The following RCOR1 variants were observed in gnomAD, a reference collection of about 807,000 sequenced individuals.
RCOR1 encodes the protein REST corepressor 1, also known as REST corepressor.
RCOR1 carries 12 observed loss-of-function variants against 64.0 expected under a neutral mutation model. That is an observed-to-expected ratio of 0.19 (90% CI 0.12 to 0.30). The LOEUF (loss-of-function observed/expected upper bound fraction) is 0.30, where lower values mean the gene tolerates loss of function less well. Ranked by LOEUF, RCOR1 falls within the 10% of genes least tolerant of loss-of-function variation. RCOR1 has a pLI of 1.00. For missense variants in RCOR1, 502 were observed against 621.2 expected (o/e 0.81, Z 2.04); for synonymous variants, 279 against 227.2 (o/e 1.23, Z -2.05).
At chr14:102,713,249 T>C (rs1895998174) in intron 7 of RCOR1, among the ~76,000 whole-genome samples, 2 of 149,920 alleles carry the variant, frequency 1.3e-5, no homozygotes, top group African/African-American at 4.9e-5. Context: ...CCACCACACC[T>C]GGCCCGTAGT....
At chr14:102,630,475 T>C (rs868561954) in intron 2 of RCOR1, among the ~76,000 whole-genome samples, 8 of 152,340 alleles carry the variant, frequency 5.3e-5, no homozygotes, top group South Asian at 4.1e-4. Flanking sequence ...TACATACTTA[T>C]AGATTCAAAG....
At chr14:102,705,076 A>G (rs1895823349) in intron 4 of RCOR1, among the ~76,000 whole-genome samples, 2 of 152,116 alleles carry the variant, frequency 1.3e-5, no homozygotes, top group Non-Finnish European at 2.9e-5. Flanking sequence ...CAGTGAGCCA[A>G]GATCATGTCA....
intron 5 of RCOR1, among the ~76,000 whole-genome samples, chr14:102,707,849 C>T (rs1432881030): frequency 6.6e-6 from 1 of 150,524 alleles, no homozygotes; most frequent in Non-Finnish European, 1.5e-5. Context: ...AGTGCAGTGG[C>T]ATGATCTTGG....
chr14:102,698,743 C>T (rs964305939), intron 3 of RCOR1, among the ~76,000 whole-genome samples: 4 of 152,180 alleles, frequency 2.6e-5, no homozygotes, highest in Non-Finnish European at 4.4e-5. Context: ...TCATCTCCTC[C>T]AGTATGAACC....
At chr14:102,680,518 T>G (rs1895281851) in intron 2 of RCOR1, among the ~76,000 whole-genome samples, 1 of 152,088 alleles carries the variant, frequency 6.6e-6, no homozygotes, top group Non-Finnish European at 1.5e-5. Context: ...ATAAAAAAGG[T>G]ATACTTGGGC....
chr14:102,686,053 T>TA (rs1405806503), intron 3 of RCOR1, among the ~76,000 whole-genome samples: 1 of 152,198 alleles, frequency 6.6e-6, no homozygotes, highest in East Asian at 1.9e-4. Flanking sequence ...TGTATCAAAT[T>TA]ATCACATGTA....
intron 7 of RCOR1, among the ~76,000 whole-genome samples, chr14:102,711,311 G>A (rs534138771): frequency 2.6e-5 from 4 of 152,346 alleles, no homozygotes; most frequent in Non-Finnish European, 1.5e-5. Flanking sequence ...AGGTTAACAA[G>A]TGGTCTAGTG....
At chr14:102,617,765 T>C (rs990130478) in intron 2 of RCOR1, among the ~76,000 whole-genome samples, 1 of 151,722 alleles carries the variant, frequency 6.6e-6, no homozygotes, top group African/African-American at 2.4e-5. Flanking sequence ...AATTTTTGTA[T>C]TTTTAGTAGA....
At chr14:102,678,036 CAA>C (rs373327959) in intron 2 of RCOR1, among the ~76,000 whole-genome samples, 2 of 143,226 alleles carry the variant, frequency 1.4e-5, no homozygotes, top group Admixed American at 1.4e-4. Context: ...CCGTCTCCAC[CAA>C]AAAAAAAAAC....
At chr14:102,715,854 G>A (rs891946917) in intron 8 of RCOR1, among the ~76,000 whole-genome samples, 1 of 152,156 alleles carries the variant, frequency 6.6e-6, no homozygotes, top group Non-Finnish European at 1.5e-5. Flanking sequence ...GCACATCAGC[G>A]TTTCCCAGCT....
intron 2 of RCOR1, among the ~76,000 whole-genome samples, chr14:102,615,983 C>T (rs1358329729): frequency 6.6e-6 from 1 of 152,136 alleles, no homozygotes; most frequent in Non-Finnish European, 1.5e-5. Context: ...TCTACACTAC[C>T]CGCTTAGAGA....
intron 2 of RCOR1, among the ~76,000 whole-genome samples, chr14:102,634,630 A>ATG (rs761571102): frequency 1.5e-4 from 23 of 149,362 alleles, no homozygotes; most frequent in African/African-American, 2.7e-4. Context: ...GTGTGTGTGT[A>ATG]TGTGTGTATA....
chr14:102,605,108 A>C (rs533938175), intron 2 of RCOR1, among the ~76,000 whole-genome samples: 30 of 149,394 alleles, frequency 2.0e-4, no homozygotes, highest in Non-Finnish European at 3.9e-4. Context: ...AAAAACACTT[A>C]GGAGCAAGAC....
chr14:102,725,324 G>A (rs1896237856), intron 11 of RCOR1, among the ~76,000 whole-genome samples: 1 of 152,246 alleles, frequency 6.6e-6, no homozygotes, highest in Non-Finnish European at 1.5e-5. Context: ...GATGCCATGA[G>A]CATGGCAGAG....
chr14:102,688,413 C>T (rs775661222), intron 3 of RCOR1, among the ~76,000 whole-genome samples: 1 of 152,152 alleles, frequency 6.6e-6, no homozygotes, highest in African/African-American at 2.4e-5. Flanking sequence ...TTTGGAGGAT[C>T]TCTTGACGGA....
At chr14:102,689,642 TTTTTA>T (rs1050601968) in intron 3 of RCOR1, among the ~76,000 whole-genome samples, 19 of 152,346 alleles carry the variant, frequency 1.2e-4, no homozygotes, top group Admixed American at 7.8e-4. Flanking sequence ...CATTTTGGGT[TTTTTA>T]TTTTATAAAA....
At chr14:102,594,498 T>C (rs1049486225) in intron 2 of RCOR1, among the ~76,000 whole-genome samples, 1 of 152,246 alleles carries the variant, frequency 6.6e-6, no homozygotes, top group African/African-American at 2.4e-5. Flanking sequence ...ATAGAGGTCC[T>C]AGGTGAGCTC....
intron 2 of RCOR1, chr14:102,658,774 G>A: frequency 2.8e-6 from 1 of 361,648 alleles, no homozygotes; most frequent in Non-Finnish European, 3.8e-6. Flanking sequence ...CCAGGTTACT[G>A]TATGCATTGC....
intron 2 of RCOR1, among the ~76,000 whole-genome samples, chr14:102,618,957 G>C (rs1448276896): frequency 1.3e-5 from 2 of 152,194 alleles, no homozygotes; most frequent in Admixed American, 6.5e-5. Flanking sequence ...TGGATGGAGA[G>C]TGCTGGACTT....
Sources: allele counts gnomAD v4.1 joint callset (sites outside exome capture counted in the v4.1 genomes callset), GRCh38; gene constraint gnomAD v4.1.1; transcripts MANE v1.5; gene names NCBI Gene and HGNC (gene_info 2026-07-23, HGNC 2026-07-21).